The following PRKACA variants were observed in gnomAD, a reference collection of about 807,000 sequenced individuals.
The protein encoded by PRKACA is cAMP-dependent protein kinase catalytic subunit alpha.
PRKACA carries 9 observed loss-of-function variants against 45.8 expected under a neutral mutation model. The observed-to-expected ratio is 0.20, with a 90% CI of 0.12 to 0.34. The LOEUF (loss-of-function observed/expected upper bound fraction) is 0.34, where lower values mean the gene tolerates loss of function less well. Ranked by LOEUF, PRKACA falls within the 10% of genes least tolerant of loss-of-function variation. The pLI is 1.00. For synonymous variants in PRKACA, 160 were observed against 178.6 expected (o/e 0.90, Z 0.83); for missense variants, 238 against 458.6 (o/e 0.52, Z 4.39).
chr19:14,100,794 C>T (rs1314240354), intron 5 of PRKACA, 32 bp downstream of exon 5: 4 of 1,607,228 alleles, frequency 2.5e-6, no homozygotes, highest in African/African-American at 2.7e-5. Flanking sequence ...GACACCCTGA[C>T]AGCCTGATGT....
rs1052848922 is a variant in PRKACA, at chr19:14,097,633, A to G, written c.588T>C (p.Thr196=). The G allele has an allele frequency of 1.2e-6, 2 of 1,611,108 alleles. No homozygotes were observed. Among genetic ancestry groups the G allele is most frequent in the South Asian group, 2.2e-5 (2 of 90,916 alleles). ...ACTCAGGGGTGCCGCACAAGGTCCA[A>G]GTGCGGCCCTTCACGCGCTTGGCGA... ...FGFAKRVKGR[T]WTLCGTPEYL... is the part of the protein sequence containing the mutation. The change falls in exon 7 of 10, where the codon ACT becomes ACC. Residue 196 remains threonine (T), a synonymous_variant. Transcript: ENST00000308677. This position sits in a 1 kb window ranked among gnomAD's most constrained non-coding sequence, Gnocchi z 5.4.
At chr19:14,113,504 A>G (rs1385262341) in intron 1 of PRKACA, among the ~76,000 whole-genome samples, 2 of 152,174 alleles carry the variant, frequency 1.3e-5, no homozygotes, top group Non-Finnish European at 2.9e-5. Flanking sequence ...GAAAGCAGAA[A>G]TCTAGAAACT....
chr19:14,109,478 G>A (rs1977708102), intron 1 of PRKACA, among the ~76,000 whole-genome samples: 1 of 151,624 alleles, frequency 6.6e-6, no homozygotes, highest in Non-Finnish European at 1.5e-5. Flanking sequence ...AGCCAGGCGT[G>A]GTGGTGATGT....
At chr19:14,104,562 G>T (rs1599343196) in intron 3 of PRKACA, among the ~76,000 whole-genome samples, 1 of 151,476 alleles carries the variant, frequency 6.6e-6, no homozygotes, top group African/African-American at 2.4e-5. Flanking sequence ...CAGGCGTGGT[G>T]GTGGGCGCCT....
At position 14,110,677 on chromosome 19, in the gene PRKACA, G is replaced by C. The variant is rs567933005; in HGVS notation, c.47-3268C>G. Among the ~76,000 whole-genome samples the C allele has an allele frequency of 2.8e-4, 42 of 152,302 alleles. 1 individual carries two copies. The highest frequency in any genetic ancestry group is 6.8e-3 in the Middle Eastern group (2 of 294). ...TGACAGATTCTTGCATTATGGACTT[G>C]TCCTTTTAACCACCACCTAGGGCTA... On this transcript the variant is annotated intron_variant, in intron 1 of 9. Coordinates refer to ENST00000308677, the MANE Select transcript of PRKACA (RefSeq NM_002730.4).
rs202232211 is a variant in PRKACA, at chr19:14,114,151, G to A, written c.46+3351C>T. 8.7e-6 allele frequency: 14 copies of A among 1,611,572 alleles called. No homozygotes were observed. In the East Asian group the frequency reaches 1.6e-4, roughly 18 times the overall value. ...AGCCTCACCATCGCTGGAGTTGGAA[G>A]CCATCACTCAGTCCTGTTCTCAGGG... On this transcript the variant is annotated intron_variant, in intron 1 of 9. Coordinates refer to ENST00000308677, the MANE Select transcript of PRKACA (RefSeq NM_002730.4).
intron 1 of PRKACA, chr19:14,112,758 C>T: frequency 6.5e-6 from 1 of 152,812 alleles, no homozygotes. Context: ...ACGGACTTCA[C>T]TGCTCCCAGG....
intron 4 of PRKACA, among the ~76,000 whole-genome samples, chr19:14,102,260 T>C (rs1047050530): frequency 7.3e-5 from 11 of 151,432 alleles, no homozygotes; most frequent in African/African-American, 2.7e-4. Flanking sequence ...TGTGCTTCTC[T>C]GGGTCAAACG....
Position 14,097,734 on chromosome 19 carries a change from G to C in PRKACA, c.546+30C>G, listed in dbSNP as rs1166941111. ...AAGGGTCCAGGCCACGGCTTCCCCA[G>C]GGCTGCCCCTCGCCCGGCCTGGTGG... On this transcript the variant is annotated intron_variant, in intron 6 of 9. Coordinates refer to ENST00000308677, the MANE Select transcript of PRKACA (RefSeq NM_002730.4). The surrounding 1 kb of genome is among the most constrained non-coding windows in gnomAD (Gnocchi z 5.4). 1 of 1,614,050 alleles carries C rather than the reference G, an allele frequency of 6.2e-7. No individual in the cohort carries two copies. Among genetic ancestry groups the C allele is most frequent in the African/African-American group, 1.3e-5 (1 of 75,044 alleles).
rs1193858739 is a variant in PRKACA, at chr19:14,096,347, G to GT, written c.765+1013dup. ...AGGTGTAAGCCACCGCGCCCGGCCA[G>GT]TTTGTTTTTTTTTTTTTTTTTTTAG... On this transcript the variant is annotated intron_variant, in intron 8 of 9. Transcript: ENST00000308677. The GT allele has an allele frequency of 4.0e-3, 542 of 136,134 alleles. 9 individuals are homozygous for GT. Among genetic ancestry groups the GT allele is most frequent in the African/African-American group, 0.013 (465 of 34,998 alleles). The allele number at this position is 136,134 out of a possible 1,614,324, so 8.4% of individuals were successfully genotyped here. A position where few individuals can be genotyped will look rare whatever the true frequency, so the allele number is the denominator to read the frequency against.
At chr19:14,100,078 C>T (rs1025734356) in intron 5 of PRKACA, among the ~76,000 whole-genome samples, 3 of 151,858 alleles carry the variant, frequency 2.0e-5, no homozygotes, top group East Asian at 3.9e-4. Context: ...CTCCTGACCT[C>T]GTGATCCGCC....
In PRKACA at chr19:14,104,857, G is replaced by A. The variant is rs972542091; in HGVS notation, c.237+1903C>T. Among the ~76,000 whole-genome samples, 4 of 152,042 alleles carry A rather than the reference G, an allele frequency of 2.6e-5. No individual in the cohort carries two copies. In the South Asian group the frequency reaches 8.3e-4, roughly 32 times the overall value. ...CATTGCACTCCAGCCTGGGCAACAA[G>A]AGCGAAACTCCATCTCAAAAACAAA... is the stretch of plus-strand genomic sequence containing the variant. On this transcript the variant is annotated intron_variant, in intron 3 of 9. Transcript: ENST00000308677.
chr19:14,109,369 A>G (rs1977703445), intron 1 of PRKACA, among the ~76,000 whole-genome samples: 1 of 151,682 alleles, frequency 6.6e-6, no homozygotes, highest in Non-Finnish European at 1.5e-5. Context: ...AATCGCTTCG[A>G]CCCGGGAGGC....
intron 1 of PRKACA, among the ~76,000 whole-genome samples, chr19:14,111,958 T>G (rs926965562): frequency 6.6e-6 from 1 of 152,224 alleles, no homozygotes; most frequent in African/African-American, 2.4e-5. Context: ...TGCTGAATCC[T>G]GCACCTCCCC....
intron 1 of PRKACA, among the ~76,000 whole-genome samples, chr19:14,114,417 T>C: frequency 6.6e-6 from 1 of 152,046 alleles, no homozygotes; most frequent in Non-Finnish European, 1.5e-5. Flanking sequence ...CCCATACAAC[T>C]GCCAAGGCAC....
chr19:14,111,257 C>T (rs1034866748), intron 1 of PRKACA, among the ~76,000 whole-genome samples: 5 of 152,104 alleles, frequency 3.3e-5, no homozygotes, highest in African/African-American at 9.7e-5. Flanking sequence ...ATTAGCTGGG[C>T]GTGGTGGCAC....
chr19:14,110,234 C>T (rs1966928276), intron 1 of PRKACA, among the ~76,000 whole-genome samples: 1 of 151,542 alleles, frequency 6.6e-6, no homozygotes, highest in South Asian at 2.1e-4. Flanking sequence ...AGGAAGATTG[C>T]TTAAAGCCCA....
intron 1 of PRKACA, among the ~76,000 whole-genome samples, chr19:14,110,055 A>G (rs1481913114): frequency 2.1e-5 from 3 of 142,286 alleles, no homozygotes; most frequent in African/African-American, 7.8e-5. Flanking sequence ...CATGCCTGTA[A>G]TCCCAGTGCT....
In PRKACA at chr19:14,102,830, C is replaced by G. The variant is rs766631376; in HGVS notation, c.322G>C (p.Glu108Gln). 6.2e-7 allele frequency: 1 copy of G among 1,613,980 alleles called. No homozygotes were observed. Among genetic ancestry groups the G allele is most frequent in the Admixed American group, 1.7e-5 (1 of 60,016 alleles). The change falls in exon 4 of 10, where the codon GAG (glutamate) becomes CAG (glutamine). Residue 108 changes from glutamate to glutamine, a missense_variant. Physicochemically the swap from Glu to Gln is conservative, Grantham distance 29 (BLOSUM62 2). Around this residue, in one of 3 missense-constraint regions of PRKACA, gnomAD observed 93 missense variants for 149.1 expected, o/e 0.62. Transcript: ENST00000308677. ...AVNFPFLVKL[E>Q]FSFKDNSNLY... ...TGGGACCCCACCTTGAAGGAGAACTCGAGTTTGACGAGGAACGGAAAGTTG... is the reference window on the plus strand; with the variant it reads ...TGGGACCCCACCTTGAAGGAGAACTGGAGTTTGACGAGGAACGGAAAGTTG...
Sources: allele counts gnomAD v4.1 joint callset (sites outside exome capture counted in the v4.1 genomes callset), GRCh38; gene constraint gnomAD v4.1.1; regional missense constraint gnomAD v4.1.1; non-coding constraint Gnocchi (gnomAD v3.1); transcripts MANE v1.5; gene names NCBI Gene and HGNC (gene_info 2026-07-23, HGNC 2026-07-21).